The following SUGCT variants were observed in gnomAD, a reference collection of about 807,000 sequenced individuals.
SUGCT encodes succinyl-CoA:glutarate-CoA transferase, also known as succinyl-CoA:glutarate CoA-transferase.
In SUGCT, 41 loss-of-function variants were observed where a neutral mutation model predicts 55.0. The ratio of observed to expected loss-of-function variants is 0.74; its 90% CI spans 0.58 to 0.97. The LOEUF (loss-of-function observed/expected upper bound fraction) is 0.97. SUGCT is among the 50% of genes least tolerant of loss of function. The pLI is 0.00. For synonymous variants in SUGCT, 187 were observed against 200.4 expected (o/e 0.93, Z 0.56); for missense variants, 568 against 547.8 (o/e 1.04, Z -0.37).
intron 9 of SUGCT, among the ~76,000 whole-genome samples, chr7:40,444,910 T>C (rs1788728642): frequency 6.6e-6 from 1 of 152,156 alleles, no homozygotes. Flanking sequence ...CAATACCTCG[T>C]TTATTGAGAG....
At chr7:40,277,631 G>A (rs1792606226) in intron 8 of SUGCT, among the ~76,000 whole-genome samples, 1 of 151,740 alleles carries the variant, frequency 6.6e-6, no homozygotes, top group South Asian at 2.1e-4. Context: ...GTGAGTAGTG[G>A]TTAGAGAACT....
At chr7:40,431,624 T>C (rs1275530150) in intron 9 of SUGCT, among the ~76,000 whole-genome samples, 1 of 152,174 alleles carries the variant, frequency 6.6e-6, no homozygotes, top group Non-Finnish European at 1.5e-5. Context: ...CAGTATTTTA[T>C]AATTTTCAGT....
At chr7:40,536,842 A>C (rs1373906035) in intron 12 of SUGCT, among the ~76,000 whole-genome samples, 1 of 152,334 alleles carries the variant, frequency 6.6e-6, no homozygotes, top group Non-Finnish European at 1.5e-5. Context: ...TATGTGCTAC[A>C]GAATCATCTT....
chr7:40,769,640 G>C (rs760907633), intron 13 of SUGCT, among the ~76,000 whole-genome samples: 56 of 152,166 alleles, frequency 3.7e-4, no homozygotes, highest in Non-Finnish European at 1.5e-4. Context: ...TTGTGCCCTA[G>C]ATCTTCCAAA....
chr7:40,717,546 T>A (rs1786086868), intron 12 of SUGCT, among the ~76,000 whole-genome samples: 1 of 152,210 alleles, frequency 6.6e-6, no homozygotes, highest in Admixed American at 6.5e-5. Flanking sequence ...AAGCTTCTGA[T>A]GTAAACACTT....
chr7:40,636,191 A>G (rs562132614), intron 12 of SUGCT, among the ~76,000 whole-genome samples: 2 of 152,336 alleles, frequency 1.3e-5, no homozygotes, highest in East Asian at 3.9e-4. Context: ...GTTTCACATG[A>G]CATTGGCTGA....
chr7:40,224,884 C>T (rs1237303525), intron 6 of SUGCT, among the ~76,000 whole-genome samples: 4 of 152,138 alleles, frequency 2.6e-5, no homozygotes, highest in Non-Finnish European at 5.9e-5. Context: ...GAGTGCTCCT[C>T]CTGTGGGGCC....
At chr7:40,429,543 A>C (rs1029252020) in intron 9 of SUGCT, among the ~76,000 whole-genome samples, 1 of 152,164 alleles carries the variant, frequency 6.6e-6, no homozygotes, top group African/African-American at 2.4e-5. Context: ...ACGAGTCCAA[A>C]AGCTGAAGAA....
intron 8 of SUGCT, among the ~76,000 whole-genome samples, chr7:40,308,730 G>A (rs1794969672): frequency 6.6e-6 from 1 of 152,126 alleles, no homozygotes; most frequent in Admixed American, 6.6e-5. Context: ...TTTCTTCTAG[G>A]CTGGGCACAG....
chr7:40,664,472 A>T (rs1801501741), intron 12 of SUGCT, among the ~76,000 whole-genome samples: 1 of 152,108 alleles, frequency 6.6e-6, no homozygotes, highest in African/African-American at 2.4e-5. Flanking sequence ...AACCCAGACC[A>T]CTTAAGAAAG....
chr7:40,319,742 CA>C (rs1795625688), intron 9 of SUGCT, among the ~76,000 whole-genome samples: 1 of 152,190 alleles, frequency 6.6e-6, no homozygotes. Flanking sequence ...GTAAGTTAGA[CA>C]AACGTAGACA....
At chr7:40,843,379 G>A (rs1366699240) in intron 13 of SUGCT, among the ~76,000 whole-genome samples, 2 of 151,926 alleles carry the variant, frequency 1.3e-5, no homozygotes, top group African/African-American at 2.4e-5. Context: ...GCATGGTGGC[G>A]CATGCCTGTA....
chr7:40,604,725 A>G (rs1430368922), intron 12 of SUGCT, among the ~76,000 whole-genome samples: 2 of 152,170 alleles, frequency 1.3e-5, no homozygotes, highest in Non-Finnish European at 2.9e-5. Flanking sequence ...CTGTCACTGT[A>G]AGGCCAAGTA....
intron 1 of SUGCT, among the ~76,000 whole-genome samples, chr7:40,164,500 G>A (rs545859413): frequency 6.6e-6 from 1 of 152,098 alleles, no homozygotes; most frequent in Admixed American, 6.6e-5. Context: ...TGTTTTTGTT[G>A]TGTCTCTGTA....
intron 12 of SUGCT, among the ~76,000 whole-genome samples, chr7:40,578,857 A>G (rs1394432292): frequency 6.6e-6 from 1 of 152,110 alleles, no homozygotes; most frequent in African/African-American, 2.4e-5. Context: ...TTTCTTTTTC[A>G]TTTAATTCTG....
At chr7:40,399,372 A>G (rs2151318279) in intron 9 of SUGCT, among the ~76,000 whole-genome samples, 2 of 152,240 alleles carry the variant, frequency 1.3e-5, no homozygotes, top group South Asian at 4.1e-4. Context: ...GATAAGTGAC[A>G]AAAAACCTAA....
At chr7:40,417,018 G>T (rs1787039685) in intron 9 of SUGCT, among the ~76,000 whole-genome samples, 1 of 151,774 alleles carries the variant, frequency 6.6e-6, no homozygotes, top group African/African-American at 2.4e-5. Flanking sequence ...CTAATGCTAG[G>T]CTTTCGAATA....
the SUGCT span, among the ~76,000 whole-genome samples, chr7:40,977,577 G>A: frequency 6.6e-6 from 1 of 152,176 alleles, no homozygotes; most frequent in African/African-American, 2.4e-5. Flanking sequence ...GTTGCATGGG[G>A]CTTCTAGGGG....
chr7:40,164,111 T>C (rs547177307), intron 1 of SUGCT, among the ~76,000 whole-genome samples: 1 of 149,772 alleles, frequency 6.7e-6, no homozygotes, highest in Admixed American at 6.9e-5. Context: ...TGAGCCACCA[T>C]GCCTGACCCT....
Sources: allele counts gnomAD v4.1 joint callset (sites outside exome capture counted in the v4.1 genomes callset), GRCh38; gene constraint gnomAD v4.1.1; transcripts MANE v1.5; gene names NCBI Gene and HGNC (gene_info 2026-07-23, HGNC 2026-07-21).